Variants in FAM124A observed in about 807,000 individuals in gnomAD.
The protein encoded by FAM124A is family with sequence similarity 124 member A.
FAM124A carries 23 observed loss-of-function variants against 24.5 expected under a neutral mutation model. The observed-to-expected ratio is 0.94, with a 90% CI of 0.68 to 1.33. The LOEUF (loss-of-function observed/expected upper bound fraction) is 1.33. Ranked by LOEUF, FAM124A falls within the 40% of genes most tolerant of loss-of-function variation. The pLI, the probability that FAM124A is intolerant of heterozygous loss-of-function variation, is 0.00. For synonymous variants in FAM124A, 287 were observed against 314.7 expected (o/e 0.91, Z 0.93); for missense variants, 623 against 722.8 (o/e 0.86, Z 1.58).
At chr13:51,238,670 G>A (rs1247381157) in intron 2 of FAM124A, among the ~76,000 whole-genome samples, 3 of 152,202 alleles carry the variant, frequency 2.0e-5, no homozygotes. Flanking sequence ...GTTGGACCAT[G>A]GAAGTGGCAA....
chr13:51,242,763 T>C (rs1020096234), intron 2 of FAM124A, among the ~76,000 whole-genome samples: 11 of 152,166 alleles, frequency 7.2e-5, no homozygotes, highest in African/African-American at 2.7e-4. Context: ...TTTCTATATA[T>C]TTTTTTCTTA....
chr13:51,226,453 C>A (rs187602754), intron 1 of FAM124A, among the ~76,000 whole-genome samples: 1 of 152,102 alleles, frequency 6.6e-6, no homozygotes, highest in Admixed American at 6.5e-5. Flanking sequence ...CCTCCATCAT[C>A]TGAGGAGAAT....
At chr13:51,271,399 T>C (rs1954839455) in intron 3 of FAM124A, among the ~76,000 whole-genome samples, 1 of 152,124 alleles carries the variant, frequency 6.6e-6, no homozygotes, top group Non-Finnish European at 1.5e-5. Context: ...CATGAAAATG[T>C]AAAGTCATTC....
chr13:51,272,275 C>T lies in FAM124A; in HGVS notation c.835-8175C>T, dbSNP rs1162947934. ...TGGGGGCACACCTCCCCTCTGCTCC[C>T]TACCAAATCAAGAGTCCCCAAACCA... is the stretch of plus-strand genomic sequence containing the variant. On this transcript the variant is annotated intron_variant, in intron 3 of 3. Coordinates refer to ENST00000322475, the MANE Select transcript of FAM124A (RefSeq NM_001242312.2). This position sits in a 1 kb window ranked among gnomAD's most constrained non-coding sequence, Gnocchi z 4.2. 6.6e-6 allele frequency among the ~76,000 whole-genome samples: 1 copy of T among 152,070 alleles called. No homozygotes were observed. The highest frequency in any genetic ancestry group is 1.9e-4 in the East Asian group (1 of 5,168).
At chr13:51,254,123 G>A (rs956640439) in intron 3 of FAM124A, among the ~76,000 whole-genome samples, 1 of 152,210 alleles carries the variant, frequency 6.6e-6, no homozygotes, top group African/African-American at 2.4e-5. Context: ...GCAGTTGAGA[G>A]TGAACCTTTC....
chr13:51,250,142 A>G (rs1343982215), intron 2 of FAM124A, among the ~76,000 whole-genome samples: 1 of 152,242 alleles, frequency 6.6e-6, no homozygotes, highest in Non-Finnish European at 1.5e-5. Flanking sequence ...GCAGCTGTAC[A>G]TGGTGAAATG....
At chr13:51,237,784 C>T (rs185921529) in intron 2 of FAM124A, among the ~76,000 whole-genome samples, 2 of 132,938 alleles carry the variant, frequency 1.5e-5, no homozygotes, top group Non-Finnish European at 3.6e-5. Flanking sequence ...AGGCATGGGG[C>T]ATCTTGTATA....
At position 51,258,466 on chromosome 13, in the gene FAM124A, G is replaced by A. The variant is rs111533105; in HGVS notation, c.834+6265G>A. Among the ~76,000 whole-genome samples, 36 of 152,228 alleles carry A rather than the reference G, an allele frequency of 2.4e-4. No individual in the cohort carries two copies. Among genetic ancestry groups the A allele is most frequent in the Admixed American group, 1.4e-3 (21 of 15,304 alleles). ...GGGTGAGGGCCATCTGGGATCTCTCGTGGGTCTCCGAACCCTCTTCAGACT... is the reference window on the plus strand; with the variant it reads ...GGGTGAGGGCCATCTGGGATCTCTCATGGGTCTCCGAACCCTCTTCAGACT... On this transcript the variant is annotated intron_variant, in intron 3 of 3. Transcript: ENST00000322475. The surrounding 1 kb of genome is among the most constrained non-coding windows in gnomAD (Gnocchi z 4.2).
chr13:51,232,249 G>A (rs1954385449), intron 2 of FAM124A, among the ~76,000 whole-genome samples: 1 of 152,156 alleles, frequency 6.6e-6, no homozygotes, highest in Admixed American at 6.5e-5. Flanking sequence ...AGAAAGAATT[G>A]AGAGTGATTA....
intron 2 of FAM124A, among the ~76,000 whole-genome samples, chr13:51,235,477 C>T (rs1954426687): frequency 6.6e-6 from 1 of 152,138 alleles, no homozygotes; most frequent in Non-Finnish European, 1.5e-5. Context: ...TATAATCATA[C>T]TTAGAGAATT....
At chr13:51,222,646 C>G in intron 1 of FAM124A, 77 bp downstream of exon 1, 2 of 1,176,714 alleles carry the variant, frequency 1.7e-6, no homozygotes, top group Non-Finnish European at 2.1e-6. Context: ...GACGGGGACC[C>G]TCCTGATCCG....
chr13:51,246,404 T>TGGGGGGGGGGGGGGG (rs55696364), intron 2 of FAM124A, among the ~76,000 whole-genome samples: 1 of 57,306 alleles, frequency 1.7e-5, no homozygotes, highest in Non-Finnish European at 3.7e-5. Context: ...TCTCGTGGGG[T>TGGGGGGGGGGGGGGG]GGGGGGGGGT....
At position 51,280,685 on chromosome 13, in the gene FAM124A, T is replaced by C. The variant is rs1321532965; in HGVS notation, c.1070T>C (p.Phe357Ser). The C allele has an allele frequency of 6.2e-7, 1 of 1,614,008 alleles. No individual in the cohort carries two copies. Residue 357 changes from phenylalanine to serine, a missense_variant, in exon 4 of 4, where the codon TTC becomes TCC. Phe to Ser is a radical substitution (Grantham distance 155, BLOSUM62 -2). Coordinates refer to ENST00000322475, the MANE Select transcript of FAM124A (RefSeq NM_001242312.2). The stretch of plus-strand genomic sequence containing the variant: ...AGCACCCCCAACCCTCCCTGGTCTT[T>C]CCAGAGAAGCAAGTCCTTGTTTTGT... Reference protein sequence around the residue: ...ANSTPNPPWSFQRSKSLFCLP... With the variant: ...ANSTPNPPWSSQRSKSLFCLP...
intron 3 of FAM124A, chr13:51,252,479 T>C (rs1954635945): frequency 2.0e-6 from 1 of 504,406 alleles, no homozygotes. Flanking sequence ...GGGCATCCAC[T>C]AAACACCCAT....
At chr13:51,254,060 A>C (rs1954652268) in intron 3 of FAM124A, among the ~76,000 whole-genome samples, 1 of 152,128 alleles carries the variant, frequency 6.6e-6, no homozygotes. Flanking sequence ...CAAAGCAAAA[A>C]TTTGTATTTC....
rs1311703393 is a variant in FAM124A at position 51,222,535 on chromosome 13, G to A, written c.34G>A (p.Asp12Asn). ...DPKAGGGGEE[D>N]DCVDSGAETG... is the part of the protein sequence containing the mutation. Reference sequence around the variant, plus strand: ...AAAGGCGGGCGGCGGCGGCGAGGAGGACGACTGCGTGGACTCGGGCGCCGA... The same window carrying A: ...AAAGGCGGGCGGCGGCGGCGAGGAGAACGACTGCGTGGACTCGGGCGCCGA... The change falls in exon 1 of 4, where the codon GAC becomes AAC. Residue 12 changes from aspartate (D) to asparagine (N), a missense_variant. Asp to Asn is a conservative substitution (Grantham distance 23). Coordinates refer to ENST00000322475, the MANE Select transcript of FAM124A (RefSeq NM_001242312.2). The A allele has an allele frequency of 1.6e-6, 2 of 1,227,476 alleles. No homozygotes were observed. Among genetic ancestry groups the A allele is most frequent in the African/African-American group, 3.1e-5 (2 of 63,810 alleles). 76.0% of individuals were successfully genotyped at this position (1,227,476 alleles called of 1,614,324 possible).
chr13:51,244,111 T>C (rs1386591588), intron 2 of FAM124A, among the ~76,000 whole-genome samples: 2 of 152,206 alleles, frequency 1.3e-5, no homozygotes, highest in Admixed American at 6.5e-5. Flanking sequence ...TCCTTCACAG[T>C]CTGTTGGCCT....
intron 3 of FAM124A, among the ~76,000 whole-genome samples, chr13:51,273,428 A>G (rs984558819): frequency 3.9e-5 from 6 of 152,198 alleles, no homozygotes; most frequent in African/African-American, 1.4e-4. Context: ...TCGCAGATAG[A>G]TATGCATGCA....
In FAM124A at chr13:51,258,128, A is replaced by G. The variant is rs1282206973; in HGVS notation, c.834+5927A>G. ...GCTTGGTCTCTGTTTTCACGTTCAT[A>G]TGGCATTCTCCCTGTGTGTGTCATC... On this transcript the variant is annotated intron_variant, in intron 3 of 3. Transcript: ENST00000322475. The surrounding 1 kb of genome is among the most constrained non-coding windows in gnomAD (Gnocchi z 4.2). Among the ~76,000 whole-genome samples, 1 of 152,132 alleles carries G rather than the reference A, an allele frequency of 6.6e-6. No homozygotes were observed. The highest frequency in any genetic ancestry group is 2.4e-5 in the African/African-American group (1 of 41,422).
Sources: gnomAD v4.1 joint callset for allele counts (sites outside exome capture counted in the v4.1 genomes callset) on GRCh38, gnomAD v4.1.1 for gene constraint, Gnocchi (gnomAD v3.1) non-coding constraint, MANE v1.5 for transcripts, NCBI Gene and HGNC (gene_info 2026-07-23, HGNC 2026-07-21) for gene names.